The following GNAO1 variants were observed in gnomAD, a reference collection of about 807,000 sequenced individuals.
GNAO1 encodes the protein guanine nucleotide-binding protein G(o) subunit alpha.
For missense variants in GNAO1, 166 were observed against 478.7 expected (o/e 0.35, Z 6.10); for synonymous variants, 164 against 180.7 (o/e 0.91, Z 0.74).
At chr16:56,251,677 T>G (rs2143456836) in intron 2 of GNAO1, among the ~76,000 whole-genome samples, 1 of 152,314 alleles carries the variant, frequency 6.6e-6, no homozygotes, top group East Asian at 1.9e-4. Flanking sequence ...CCCTTGCCTA[T>G]GCTCAAACCA....
intron 3 of GNAO1, among the ~76,000 whole-genome samples, chr16:56,309,856 C>T (rs987564120): frequency 6.6e-6 from 1 of 152,180 alleles, no homozygotes; most frequent in Admixed American, 6.5e-5. Context: ...TTTTAGCTGG[C>T]ATGATGGATT....
chr16:56,194,325 T>G (rs145743047), intron 2 of GNAO1: 10 of 452,940 alleles, frequency 2.2e-5, no homozygotes, highest in South Asian at 1.6e-5. Flanking sequence ...TGCATCTGTC[T>G]GGAGCCCTTG....
chr16:56,192,692 C>A, intron 2 of GNAO1, 76 bp downstream of exon 2: 3 of 861,878 alleles, frequency 3.5e-6, no homozygotes, highest in Admixed American at 1.7e-5. Context: ...ATTGCTTACT[C>A]CACATTGCTC....
intron 2 of GNAO1, among the ~76,000 whole-genome samples, chr16:56,246,637 C>T (rs376194496): frequency 6.6e-6 from 1 of 152,168 alleles, no homozygotes; most frequent in Non-Finnish European, 1.5e-5. Flanking sequence ...AGGAAAAGCT[C>T]ACACGGCACC....
intron 2 of GNAO1, among the ~76,000 whole-genome samples, chr16:56,242,733 CTT>C (rs1231548099): frequency 1.3e-5 from 2 of 152,360 alleles, no homozygotes; most frequent in East Asian, 3.9e-4. Flanking sequence ...ATCTTCATGA[CTT>C]TGGCAAAGCA....
chr16:56,259,611 A>C (rs2036884770), intron 2 of GNAO1, among the ~76,000 whole-genome samples: 3 of 152,240 alleles, frequency 2.0e-5, no homozygotes, highest in African/African-American at 7.2e-5. Context: ...TCATCCATGC[A>C]TCCATTGTTC....
chr16:56,260,431 G>A (rs887647429), intron 2 of GNAO1, among the ~76,000 whole-genome samples: 2 of 152,130 alleles, frequency 1.3e-5, no homozygotes, highest in South Asian at 2.1e-4. Context: ...CTCAGCTGCC[G>A]GCTGCTGGGC....
intron 2 of GNAO1, among the ~76,000 whole-genome samples, chr16:56,204,629 G>C (rs1350901493): frequency 1.3e-5 from 2 of 152,202 alleles, no homozygotes; most frequent in Admixed American, 1.3e-4. Flanking sequence ...GCAGGGTTCT[G>C]TTTCATGGCA....
chr16:56,322,190 G>A (rs2037579829), intron 3 of GNAO1, among the ~76,000 whole-genome samples: 1 of 152,116 alleles, frequency 6.6e-6, no homozygotes, highest in Non-Finnish European at 1.5e-5. Context: ...GCATCTTGGG[G>A]GTTAGGATTT....
At chr16:56,283,735 C>A (rs1210250455) in intron 3 of GNAO1, among the ~76,000 whole-genome samples, 1 of 152,108 alleles carries the variant, frequency 6.6e-6, no homozygotes, top group Non-Finnish European at 1.5e-5. Context: ...GCTTCATACT[C>A]CCATAGCCCA....
chr16:56,224,891 G>A lies in GNAO1; in HGVS notation c.161+32275G>A, dbSNP rs140085840. Among the ~76,000 whole-genome samples, 377 of 152,288 alleles carry A rather than the reference G, an allele frequency of 2.5e-3. 1 individual carries two copies. The highest frequency in any genetic ancestry group is 4.4e-3 in the Non-Finnish European group (300 of 68,026). On this transcript the variant is annotated intron_variant, in intron 2 of 8. Transcript: ENST00000262493. Reference sequence around the variant, plus strand: ...ACTTATAAGGTCTCAAACAATCCTCGTTTCAGGTGCCCTTTAGAGGATGGT... The same window carrying A: ...ACTTATAAGGTCTCAAACAATCCTCATTTCAGGTGCCCTTTAGAGGATGGT...
intron 8 of GNAO1, 84 bp downstream of exon 8, chr16:56,355,165 A>C: frequency 8.9e-6 from 4 of 451,872 alleles, no homozygotes; most frequent in East Asian, 3.6e-5. Flanking sequence ...CCACTAACAA[A>C]TGCAAGTTGG....
chr16:56,337,254 T>A (rs2037750172), intron 6 of GNAO1, among the ~76,000 whole-genome samples: 8 of 152,242 alleles, frequency 5.3e-5, no homozygotes, highest in Admixed American at 5.2e-4. Flanking sequence ...CAGCCATCCC[T>A]GGGGCACTGG....
In GNAO1 at chr16:56,251,443, A is replaced by G. The variant is rs369731066; in HGVS notation, c.162-24488A>G. On this transcript the variant is annotated intron_variant, in intron 2 of 8. Coordinates refer to ENST00000262493, the MANE Select transcript of GNAO1 (RefSeq NM_020988.3). ...AAGGAGTGCAATATGTAAATGGTAA[A>G]ATAAACAACATCATTAAGCTCAAGG... 2.6e-5 allele frequency among the ~76,000 whole-genome samples: 4 copies of G among 152,380 alleles called. No homozygotes were observed. The East Asian group carries it at 7.7e-4, about 29-fold the overall frequency.
intron 3 of GNAO1, among the ~76,000 whole-genome samples, chr16:56,278,475 G>T (rs1161964138): frequency 6.6e-6 from 1 of 152,136 alleles, no homozygotes; most frequent in Non-Finnish European, 1.5e-5. Context: ...GTGTGGATTC[G>T]CAGCCTGTGG....
intron 3 of GNAO1, among the ~76,000 whole-genome samples, chr16:56,303,082 G>A (rs959125680): frequency 4.6e-5 from 7 of 152,174 alleles, no homozygotes; most frequent in East Asian, 3.9e-4. Flanking sequence ...ACCTCCACGC[G>A]CAGCCGAAGT....
intron 2 of GNAO1, among the ~76,000 whole-genome samples, chr16:56,203,705 T>C (rs1305151874): frequency 6.6e-6 from 1 of 152,224 alleles, no homozygotes; most frequent in Non-Finnish European, 1.5e-5. Flanking sequence ...TAATTTGAGC[T>C]GGGATTCTGT....
At chr16:56,290,667 G>A (rs1471263082) in intron 3 of GNAO1, among the ~76,000 whole-genome samples, 7 of 152,184 alleles carry the variant, frequency 4.6e-5, no homozygotes, top group South Asian at 2.1e-4. Context: ...GGTCACACAC[G>A]TGAGGCATGT....
chr16:56,264,346 G>C (rs1257104404), intron 2 of GNAO1, among the ~76,000 whole-genome samples: 2 of 152,334 alleles, frequency 1.3e-5, no homozygotes, highest in East Asian at 3.9e-4. Context: ...CCGCTGCCGT[G>C]GACTGACAGC....
Sources: allele counts gnomAD v4.1 joint callset (sites outside exome capture counted in the v4.1 genomes callset), GRCh38; gene constraint gnomAD v4.1.1; transcripts MANE v1.5; gene names NCBI Gene and HGNC (gene_info 2026-07-23, HGNC 2026-07-21).